Variants in ECE2 observed in about 807,000 individuals in gnomAD.
ECE2 encodes the protein endothelin converting enzyme 2.
ECE2 carries 81 observed loss-of-function variants against 100.6 expected under a neutral mutation model. The observed-to-expected ratio is 0.81, with a 90% CI of 0.67 to 0.97. ECE2 has a LOEUF of 0.97. Ranked by LOEUF, ECE2 falls within the 50% of genes least tolerant of loss-of-function variation. ECE2 has a pLI of 0.00. For synonymous variants in ECE2, 391 were observed against 391.5 expected, an observed-to-expected ratio of 1.00 and a Z score of 0.02; for missense variants, 911 against 988.1, an observed-to-expected ratio of 0.92 and a Z score of 1.05.
At position 184,292,140 on chromosome 3, in the gene ECE2, G is replaced by T. The variant is rs540780093; in HGVS notation, c.2200G>T (p.Val734Leu). 1.2e-6 allele frequency: 2 copies of T among 1,614,064 alleles called. No homozygotes were observed. Among genetic ancestry groups the T allele is most frequent in the Admixed American group, 1.7e-5 (1 of 60,024 alleles). ...TDPHSPARFR[V>L]LGTLSNSRDF... is the part of the protein sequence containing the mutation. Reference sequence around the variant, plus strand: ...CCCCCACAGCCCTGCCCGCTTCCGCGTGCTGGGCACTCTCTCCAACTCCCG... The same window carrying T: ...CCCCCACAGCCCTGCCCGCTTCCGCTTGCTGGGCACTCTCTCCAACTCCCG... The change falls in exon 19 of 19, where the codon GTG becomes TTG. Residue 734 changes from valine to leucine, a missense_variant. By Grantham distance (32) the Val-to-Leu change is conservative. Transcript: ENST00000404464.
At chr3:184,278,129 C>T (rs1471851665) in intron 5 of ECE2, 38 bp from the exon 6 acceptor site, 1 of 1,613,518 alleles carries the variant, frequency 6.2e-7, no homozygotes. Context: ...GCTTTGGGAG[C>T]TCCTGCACTA....
At chr3:184,278,141 T>A in intron 5 of ECE2, 26 bp from the exon 6 acceptor site, 1 of 1,613,832 alleles carries the variant, frequency 6.2e-7, no homozygotes, top group Non-Finnish European at 8.5e-7. Flanking sequence ...CCTGCACTAA[T>A]CATTCCACTT....
intron 4 of ECE2, 28 bp downstream of exon 4, chr3:184,277,494 G>GGCCACCTATGTGCCTTGT (rs1720619035): frequency 1.9e-6 from 3 of 1,610,934 alleles, no homozygotes; most frequent in Non-Finnish European, 2.5e-6. Context: ...GGAGGCCTTG[G>GGCCACCTATGTGCCTTGT]GCCACCTATG....
chr3:184,285,535 C>A lies in ECE2; in HGVS notation c.1206C>A (p.Asp402Glu). ...TGCAAAAGACAACCTCAAGCCTGGA[C>A]CGACGCTTTGAGTCTGCACAAGAGA... ...NLVQKTTSSL[D>E]RRFESAQEKL... The change falls in exon 10 of 19, where the codon GAC becomes GAA. Residue 402 changes from aspartate (D) to glutamate (E), a missense_variant. By Grantham distance (45) the Asp-to-Glu change is conservative (BLOSUM62 2). Coordinates refer to ENST00000404464, the MANE Select transcript of ECE2 (RefSeq NM_001100121.2). 1.2e-6 allele frequency: 2 copies of A among 1,614,160 alleles called. No individual in the cohort carries two copies. The highest frequency in any genetic ancestry group is 1.7e-6 in the Non-Finnish European group (2 of 1,180,036).
chr3:184,290,901 C>T (rs1226169110), intron 16 of ECE2, 41 bp downstream of exon 16: 1 of 1,613,526 alleles, frequency 6.2e-7, no homozygotes, highest in Non-Finnish European at 8.5e-7. Context: ...CTAGAATTCC[C>T]AGTGGCTCCT....
At chr3:184,282,502 C>A (rs1415988635) in intron 7 of ECE2, among the ~76,000 whole-genome samples, 2 of 152,120 alleles carry the variant, frequency 1.3e-5, no homozygotes, top group Non-Finnish European at 2.9e-5. Context: ...AGGTTTTCGC[C>A]CTGTTATTCA....
Position 184,291,287 on chromosome 3 carries a change from T to C in ECE2, c.2025+57T>C, listed in dbSNP as rs749623973. On this transcript the variant is annotated intron_variant, in intron 17 of 18. Coordinates refer to ENST00000404464, the MANE Select transcript of ECE2 (RefSeq NM_001100121.2). The surrounding 1 kb of genome is among the most constrained non-coding windows in gnomAD (Gnocchi z 4.1). ...AGGCCTGCTGGCCTGGGGTGAAAGGTGCCGGGTGGGTGGGGGCAGGCCTGG... is the reference window on the plus strand; with the variant it reads ...AGGCCTGCTGGCCTGGGGTGAAAGGCGCCGGGTGGGTGGGGGCAGGCCTGG... 6.3e-7 allele frequency: 1 copy of C among 1,589,252 alleles called. No individual in the cohort carries two copies. Among genetic ancestry groups the C allele is most frequent in the Non-Finnish European group, 8.6e-7 (1 of 1,165,656 alleles).
Position 184,289,837 on chromosome 3 carries a change from A to C in ECE2, c.1551+119A>C, listed in dbSNP as rs1482232304. 4.7e-6 allele frequency: 4 copies of C among 852,146 alleles called. No homozygotes were observed. The highest frequency in any genetic ancestry group is 7.1e-6 in the Non-Finnish European group (4 of 560,942). The allele number at this position is 852,146 out of a possible 1,614,324, so 52.8% of individuals were successfully genotyped here. On this transcript the variant is annotated intron_variant, in intron 13 of 18. Transcript: ENST00000404464. The surrounding 1 kb of genome is among the most constrained non-coding windows in gnomAD (Gnocchi z 4.1). ...GTGCTTGTCGGTTTCTTTTAGAGGCAGATGGAGGTAACCAGCATTGTTAAA... is the reference window on the plus strand; with the variant it reads ...GTGCTTGTCGGTTTCTTTTAGAGGCCGATGGAGGTAACCAGCATTGTTAAA...
intron 7 of ECE2, among the ~76,000 whole-genome samples, chr3:184,282,987 G>C (rs1356142296): frequency 6.6e-6 from 1 of 152,166 alleles, no homozygotes; most frequent in Non-Finnish European, 1.5e-5. Context: ...AGGTAATAGA[G>C]GCCTGAGGAC....
intron 4 of ECE2, among the ~76,000 whole-genome samples, chr3:184,277,684 C>T (rs1720627061): frequency 2.0e-5 from 3 of 152,168 alleles, no homozygotes; most frequent in African/African-American, 7.2e-5. Context: ...CGCTTCTCTG[C>T]ACTCTGTTTG....
chr3:184,288,051 C>G, intron 11 of ECE2, 104 bp downstream of exon 11: 1 of 1,056,898 alleles, frequency 9.5e-7, no homozygotes, highest in Admixed American at 2.1e-5. Flanking sequence ...TGGCTCACGC[C>G]GGTAATCCCA....
In ECE2 at chr3:184,291,126, G is replaced by A. The variant is rs1235110542; in HGVS notation, c.1921G>A (p.Glu641Lys). ...AAFRNHTACM[E>K]EQYNQYQVNG... The stretch of plus-strand genomic sequence containing the variant: ...CTTCCGGAACCACACGGCCTGCATG[G>A]AGGAACAGTACAATCAATACCAGGT... Residue 641 changes from glutamate to lysine, a missense_variant, in exon 17 of 19, where the codon GAG (glutamate) becomes AAG (lysine). Glu to Lys is a moderately conservative substitution (Grantham distance 56). Transcript: ENST00000404464. This position sits in a 1 kb window ranked among gnomAD's most constrained non-coding sequence, Gnocchi z 4.1. The A allele has an allele frequency of 4.3e-6, 7 of 1,612,714 alleles. No homozygotes were observed.
In ECE2 at chr3:184,277,923, A is replaced by G; in HGVS notation, c.479-2A>G. 1 of 1,611,706 alleles carries G rather than the reference A, an allele frequency of 6.2e-7. No homozygotes were observed. Among genetic ancestry groups the G allele is most frequent in the Non-Finnish European group, 8.5e-7 (1 of 1,179,956 alleles). On this transcript the variant is annotated splice_acceptor_variant, in intron 4 of 18. Transcript: ENST00000404464. LOFTEE classifies it high-confidence loss of function. ...ACCTGGATCCTGTGTTCTGCCCCAC[A>G]GAAAACACCACCTTCAACTCCAGCA...
At chr3:184,279,660 A>AAG in intron 7 of ECE2, among the ~76,000 whole-genome samples, 1 of 150,486 alleles carries the variant, frequency 6.6e-6, no homozygotes, top group Middle Eastern at 3.5e-3. Flanking sequence ...TCATCTCAAA[A>AAG]AAAAAAAAAA....
chr3:184,278,379 C>T, intron 6 of ECE2, 66 bp downstream of exon 6: 2 of 1,592,938 alleles, frequency 1.3e-6, no homozygotes, highest in South Asian at 1.1e-5. Flanking sequence ...CTTCCCTCTC[C>T]TGTGACAGGC....
chr3:184,277,994 A>G lies in ECE2; in HGVS notation c.548A>G (p.Gln183Arg), dbSNP rs772400869. 12 of 1,614,020 alleles carry G rather than the reference A, an allele frequency of 7.4e-6. No homozygotes were observed. In the East Asian group the frequency reaches 2.7e-4, roughly 36 times the overall value. ...KTQRFYLSCLQVERIEELGAQ... is the reference protein window; with the variant it reads ...KTQRFYLSCLRVERIEELGAQ... Reference sequence around the variant, plus strand: ...CAGCGCTTCTACCTATCTTGCCTACAGGTGGAGCGCATTGAGGAGCTGGGA... The same window carrying G: ...CAGCGCTTCTACCTATCTTGCCTACGGGTGGAGCGCATTGAGGAGCTGGGA... Residue 183 changes from glutamine to arginine, a missense_variant, in exon 5 of 19, where the codon CAG becomes CGG. By Grantham distance (43) the Gln-to-Arg change is conservative. Transcript: ENST00000404464.
Position 184,289,575 on chromosome 3 carries a change from G to A in ECE2, c.1473+40G>A, listed in dbSNP as rs1476755445. 2 of 1,613,534 alleles carry A rather than the reference G, an allele frequency of 1.2e-6. No individual in the cohort carries two copies. Among genetic ancestry groups the A allele is most frequent in the South Asian group, 2.2e-5 (2 of 91,048 alleles). ...GGGTTGGGGCGCCATCTTGAGGTGG[G>A]GTTCAAGGATACAGTTTTGCTAGGA... On this transcript the variant is annotated intron_variant, in intron 12 of 18. Coordinates refer to ENST00000404464, the MANE Select transcript of ECE2 (RefSeq NM_001100121.2). The surrounding 1 kb of genome is among the most constrained non-coding windows in gnomAD (Gnocchi z 4.1).
chr3:184,276,193 G>A lies in ECE2; in HGVS notation c.39+1G>A. The A allele has an allele frequency of 6.9e-7, 1 of 1,446,026 alleles. No homozygotes were observed. The highest frequency in any genetic ancestry group is 9.0e-7 in the Non-Finnish European group (1 of 1,105,284). 89.6% of individuals were successfully genotyped at this position (1,446,026 alleles called of 1,614,324 possible). On this transcript the variant is annotated splice_donor_variant, in intron 1 of 18. Transcript: ENST00000404464. LOFTEE classifies it high-confidence loss of function. ...GCAGGAGCTGGGAGCTGGCAGCAAC[G>A]TGAGTGGGGGCCCCGGGCTCCACGG...
At chr3:184,284,186 C>T (rs1720931850) in intron 8 of ECE2, among the ~76,000 whole-genome samples, 1 of 151,992 alleles carries the variant, frequency 6.6e-6, no homozygotes, top group South Asian at 2.1e-4. Context: ...CCCTTTCTTG[C>T]CTGGGGATGC....
Sources: gnomAD v4.1 joint callset for allele counts (sites outside exome capture counted in the v4.1 genomes callset) on GRCh38, gnomAD v4.1.1 for gene constraint, Gnocchi (gnomAD v3.1) non-coding constraint, MANE v1.5 for transcripts, NCBI Gene and HGNC (gene_info 2026-07-23, HGNC 2026-07-21) for gene names.